Variants in TMEM209 observed in about 807,000 individuals in gnomAD.
TMEM209 encodes the protein transmembrane protein 209, also known as testicular tissue protein Li 202.
Under a neutral mutation model 76.2 loss-of-function variants are expected in TMEM209, and 65 were observed. The observed-to-expected ratio is 0.85, with a 90% CI of 0.70 to 1.05. The LOEUF is 1.05. Among genes scored for constraint, TMEM209 ranks in the 50% least tolerant of loss-of-function variants. TMEM209 has a pLI of 0.00. For missense variants in TMEM209, 623 were observed against 685.5 expected (o/e 0.91, Z 1.02); for synonymous variants, 239 against 237.6 (o/e 1.01, Z -0.06).
chr7:130,194,811 C>T (rs1041488901), intron 5 of TMEM209, among the ~76,000 whole-genome samples: 1 of 152,098 alleles, frequency 6.6e-6, no homozygotes, highest in Non-Finnish European at 1.5e-5. Flanking sequence ...TAAATGTTTA[C>T]TCAAGTACAT....
intron 6 of TMEM209, chr7:130,192,297 GAC>G (rs1338217765): frequency 8.5e-6 from 2 of 236,588 alleles, no homozygotes; most frequent in Non-Finnish European, 1.7e-5. Flanking sequence ...CTTGAAAAGA[GAC>G]AGCTATAATT....
At chr7:130,181,852 T>C (rs1797431453) in intron 8 of TMEM209, 133 bp from the exon 9 acceptor site, 1 of 665,742 alleles carries the variant, frequency 1.5e-6, no homozygotes, top group Non-Finnish European at 2.5e-6. Flanking sequence ...AATCATAAAG[T>C]ATAGTGAAAG....
At chr7:130,194,675 C>T (rs1797911654) in intron 5 of TMEM209, among the ~76,000 whole-genome samples, 1 of 152,116 alleles carries the variant, frequency 6.6e-6, no homozygotes, top group African/African-American at 2.4e-5. Flanking sequence ...TTGGTGAAAG[C>T]ATATTAACAT....
At chr7:130,205,343 G>A (rs373001266) in intron 1 of TMEM209, 30 bp downstream of exon 1, 17 of 1,613,724 alleles carry the variant, frequency 1.1e-5, no homozygotes, top group Admixed American at 1.7e-5. Context: ...TTCCAAGACA[G>A]GAAGCACAAA....
intron 5 of TMEM209, among the ~76,000 whole-genome samples, chr7:130,193,498 G>C (rs921788358): frequency 6.6e-6 from 1 of 151,070 alleles, no homozygotes. Context: ...AAGATCGCGC[G>C]ACTGCACTCC....
chr7:130,203,739 G>T, intron 3 of TMEM209, 49 bp downstream of exon 3: 1 of 1,459,924 alleles, frequency 6.8e-7, no homozygotes, highest in South Asian at 1.2e-5. Flanking sequence ...AAACCTGAAG[G>T]CAGTTTTTTA....
chr7:130,203,209 G>GA (rs1177104847), intron 3 of TMEM209, among the ~76,000 whole-genome samples: 1 of 151,948 alleles, frequency 6.6e-6, no homozygotes, highest in African/African-American at 2.4e-5. Flanking sequence ...ACATTATTCA[G>GA]AAGCCAAGTG....
At chr7:130,192,346 T>C in intron 6 of TMEM209, 1 of 390,294 alleles carries the variant, frequency 2.6e-6, no homozygotes, top group East Asian at 5.4e-5. Context: ...AAAACATTAT[T>C]TTGTAGCCTC....
At chr7:130,170,990 G>A (rs1490771100) in intron 13 of TMEM209, among the ~76,000 whole-genome samples, 4 of 151,882 alleles carry the variant, frequency 2.6e-5, no homozygotes, top group South Asian at 4.2e-4. Flanking sequence ...CGCCATGCCC[G>A]GCTAATTTTT....
rs535497489 is a variant in TMEM209 at position 130,170,237 on chromosome 7, T to C, written c.1631+163A>G. Among the ~76,000 whole-genome samples, 81 of 152,372 alleles carry C rather than the reference T, an allele frequency of 5.3e-4. 1 individual carries two copies. The highest frequency in any genetic ancestry group is 1.8e-3 in the African/African-American group (74 of 41,592). The stretch of plus-strand genomic sequence containing the variant: ...CAATGGGTTCCGAGGAGTTAGCTAA[T>C]GGATTGCCCAAAATAGCAGAGGTAG... On this transcript the variant is annotated intron_variant, in intron 14 of 14. Transcript: ENST00000397622.
chr7:130,203,912 A>C, intron 2 of TMEM209, 62 bp downstream of exon 2: 1 of 1,598,306 alleles, frequency 6.3e-7, no homozygotes, highest in Non-Finnish European at 8.5e-7. Flanking sequence ...ACAAACACAA[A>C]AACCTGTGGA....
rs760207622 is a variant in TMEM209 at position 130,201,925 on chromosome 7, C to A, written c.498G>T (p.Leu166=). The A allele has an allele frequency of 1.2e-6, 2 of 1,613,906 alleles. No individual in the cohort carries two copies. Among genetic ancestry groups the A allele is most frequent in the East Asian group, 4.5e-5 (2 of 44,872 alleles). The change falls in exon 5 of 15, where the codon CTG becomes CTT. Residue 166 remains leucine (L), a synonymous_variant. Coordinates refer to ENST00000397622, the MANE Select transcript of TMEM209 (RefSeq NM_032842.4). ...CACTGCCACCTGAGGACAGACCTTG[C>A]AGCTGAGGGCTGTAACCAGTCATAC... The part of the protein sequence containing the change: ...TSCMTGYSPQ[L]QGLSSGGSGS...
chr7:130,201,746 C>T (rs981971373), intron 5 of TMEM209, 104 bp downstream of exon 5: 2 of 1,416,916 alleles, frequency 1.4e-6, no homozygotes, highest in Non-Finnish European at 1.9e-6. Context: ...CTGGGCAAAT[C>T]AACTCTCAGT....
At chr7:130,205,307 C>T in intron 1 of TMEM209, 66 bp downstream of exon 1, 1 of 1,613,576 alleles carries the variant, frequency 6.2e-7, no homozygotes, top group Non-Finnish European at 8.5e-7. Context: ...GATCAGCAGG[C>T]GCGGAACTCC....
intron 13 of TMEM209, among the ~76,000 whole-genome samples, chr7:130,171,432 C>T (rs1205812344): frequency 6.6e-6 from 1 of 151,668 alleles, no homozygotes; most frequent in African/African-American, 2.4e-5. Context: ...GTGTTTTTAA[C>T]TCAAGAATCT....
rs1226254894 is a variant in TMEM209, at chr7:130,185,267, C to G, written c.876G>C (p.Gln292His). Reference sequence around the variant, plus strand: ...ATGGGGCCTGAGACCTACAGGCAAGCTGATACTGAAACTTCTTTAAAGTTT... The same window carrying G: ...ATGGGGCCTGAGACCTACAGGCAAGGTGATACTGAAACTTCTTTAAAGTTT... ...YAQTLKKFQY[Q>H]LACRSQAPCA... Residue 292 changes from glutamine (Q) to histidine (H), a missense_variant, in exon 7 of 15, where the codon CAG (glutamine) becomes CAC (histidine). Coordinates refer to ENST00000397622, the MANE Select transcript of TMEM209 (RefSeq NM_032842.4). 3.7e-6 allele frequency: 6 copies of G among 1,614,002 alleles called. No homozygotes were observed. Among genetic ancestry groups the G allele is most frequent in the Non-Finnish European group, 4.2e-6 (5 of 1,179,890 alleles).
intron 6 of TMEM209, 27 bp from the exon 7 acceptor site, chr7:130,185,394 A>G (rs1160885854): frequency 1.3e-6 from 2 of 1,599,906 alleles, no homozygotes; most frequent in Non-Finnish European, 1.7e-6. Flanking sequence ...AAACAGTATC[A>G]GTGTGTTGTA....
intron 10 of TMEM209, among the ~76,000 whole-genome samples, chr7:130,177,908 G>A (rs977446586): frequency 6.6e-6 from 1 of 152,128 alleles, no homozygotes; most frequent in Non-Finnish European, 1.5e-5. Flanking sequence ...TCTTAGTGAT[G>A]AGAATCTTTT....
intron 13 of TMEM209, among the ~76,000 whole-genome samples, chr7:130,173,325 G>A (rs1052583888): frequency 2.0e-5 from 3 of 152,146 alleles, no homozygotes; most frequent in African/African-American, 4.8e-5. Context: ...CTGGGTGACA[G>A]AGCTAGACTC....
Sources: allele counts gnomAD v4.1 joint callset (sites outside exome capture counted in the v4.1 genomes callset), GRCh38; gene constraint gnomAD v4.1.1; transcripts MANE v1.5; gene names NCBI Gene and HGNC (gene_info 2026-07-23, HGNC 2026-07-21).